The following SHISA6 variants were observed in gnomAD, a reference collection of about 807,000 sequenced individuals.
SHISA6 encodes shisa family member 6.
Under a neutral mutation model 47.9 loss-of-function variants are expected in SHISA6, and 22 were observed. The observed-to-expected ratio is 0.46, with a 90% CI of 0.33 to 0.66. The LOEUF is 0.66. Among genes scored for constraint, SHISA6 ranks in the 30% least tolerant of loss-of-function variants. The pLI is 0.02. For synonymous variants in SHISA6, 388 were observed against 337.8 expected (o/e 1.15, Z -1.63); for missense variants, 680 against 764.6 (o/e 0.89, Z 1.30).
intron 2 of SHISA6, among the ~76,000 whole-genome samples, chr17:11,280,846 T>C (rs35248093): frequency 0.46 from 70,667 of 152,060 alleles, 16,839 homozygotes; most frequent in Non-Finnish European, 0.52. Flanking sequence ...GGGCTGGAAA[T>C]AGAAATGGAG....
intron 3 of SHISA6, among the ~76,000 whole-genome samples, chr17:11,381,374 T>A (rs1013695282): frequency 6.6e-6 from 1 of 152,236 alleles, no homozygotes. Context: ...TTAGAAGTTA[T>A]GGAGTTTATG....
intron 1 of SHISA6, among the ~76,000 whole-genome samples, chr17:11,259,643 C>A (rs899540179): frequency 1.3e-5 from 2 of 152,228 alleles, no homozygotes; most frequent in African/African-American, 4.8e-5. Context: ...AATTCAGATA[C>A]ACTTTCATTC....
chr17:11,362,296 C>T (rs1245057221), intron 2 of SHISA6, among the ~76,000 whole-genome samples: 2 of 152,124 alleles, frequency 1.3e-5, no homozygotes, highest in South Asian at 4.1e-4. Flanking sequence ...CGTATCACAA[C>T]ACTCAGCTAA....
At chr17:11,299,637 A>G (rs1909855141) in intron 2 of SHISA6, among the ~76,000 whole-genome samples, 1 of 152,096 alleles carries the variant, frequency 6.6e-6, no homozygotes, top group Non-Finnish European at 1.5e-5. Flanking sequence ...TAGAGGCCAT[A>G]TGCATTCATT....
intron 2 of SHISA6, among the ~76,000 whole-genome samples, chr17:11,299,567 A>G (rs2142175999): frequency 6.6e-6 from 1 of 152,336 alleles, no homozygotes; most frequent in South Asian, 2.1e-4. Flanking sequence ...AAGATATGTT[A>G]GGGCTGGTTC....
At chr17:11,251,557 G>A (rs1419155448) in intron 1 of SHISA6, among the ~76,000 whole-genome samples, 1 of 151,978 alleles carries the variant, frequency 6.6e-6, no homozygotes, top group Non-Finnish European at 1.5e-5. Context: ...ATGGACCTAG[G>A]GATATTTCTA....
chr17:11,390,807 A>G (rs1913360087), intron 3 of SHISA6, among the ~76,000 whole-genome samples: 1 of 152,152 alleles, frequency 6.6e-6, no homozygotes, highest in South Asian at 2.1e-4. Flanking sequence ...AGGGAACCAA[A>G]ACCAGCAACA....
intron 2 of SHISA6, chr17:11,288,539 A>T (rs1909405998): frequency 6.6e-6 from 1 of 152,152 alleles, no homozygotes; most frequent in Admixed American, 6.5e-5. Flanking sequence ...TGGGCAACAT[A>T]GCAAGCTATG....
At chr17:11,269,477 C>T (rs1354541870) in intron 2 of SHISA6, among the ~76,000 whole-genome samples, 1 of 152,186 alleles carries the variant, frequency 6.6e-6, no homozygotes, top group African/African-American at 2.4e-5. Flanking sequence ...CCCAGGGTGC[C>T]CTTCCAGTTC....
At chr17:11,546,920 C>T (rs2071888248) in intron 3 of SHISA6, among the ~76,000 whole-genome samples, 1 of 151,296 alleles carries the variant, frequency 6.6e-6, no homozygotes, top group Admixed American at 6.6e-5. Flanking sequence ...TAGAGCAAGA[C>T]TCCATCTCAA....
rs186633734 is a variant in SHISA6 at position 11,459,149 on chromosome 17, G to T, written c.895+79640G>T. Among the ~76,000 whole-genome samples, 472 of 151,226 alleles carry T rather than the reference G, an allele frequency of 3.1e-3. 2 individuals are homozygous for T. Among genetic ancestry groups the T allele is most frequent in the African/African-American group, 0.011 (452 of 41,134 alleles). On this transcript the variant is annotated intron_variant, in intron 3 of 5. Coordinates refer to ENST00000441885, the MANE Select transcript of SHISA6 (RefSeq NM_207386.4). The stretch of plus-strand genomic sequence containing the variant: ...CAGGAGAATGGCATGAACCTGGGAG[G>T]TGGAGCTTGCAGTGAGCCAAAATCG...
At chr17:11,377,012 A>G (rs1338636916) in intron 2 of SHISA6, among the ~76,000 whole-genome samples, 4 of 152,184 alleles carry the variant, frequency 2.6e-5, no homozygotes, top group Non-Finnish European at 5.9e-5. Flanking sequence ...AGCTTTACCA[A>G]AAAGTGTCCC....
intron 2 of SHISA6, among the ~76,000 whole-genome samples, chr17:11,295,397 C>T (rs2142172804): frequency 6.6e-6 from 1 of 152,292 alleles, no homozygotes; most frequent in East Asian, 1.9e-4. Flanking sequence ...GAATTCCCTG[C>T]TCTTGGCAAC....
chr17:11,510,712 G>T (rs527245353), intron 3 of SHISA6, among the ~76,000 whole-genome samples: 1 of 152,324 alleles, frequency 6.6e-6, no homozygotes, highest in African/African-American at 2.4e-5. Flanking sequence ...CTTACCAGCT[G>T]TCTTGGATTT....
chr17:11,402,456 G>A (rs1048594279), intron 3 of SHISA6, among the ~76,000 whole-genome samples: 1 of 152,162 alleles, frequency 6.6e-6, no homozygotes, highest in Non-Finnish European at 1.5e-5. Context: ...TTGCTTTCCA[G>A]TCCCTTACCT....
chr17:11,260,475 C>G (rs1908189064), intron 1 of SHISA6, among the ~76,000 whole-genome samples: 1 of 152,038 alleles, frequency 6.6e-6, no homozygotes, highest in South Asian at 2.1e-4. Flanking sequence ...TTGGCCGTCT[C>G]TGTGTCTCTC....
chr17:11,278,597 T>C (rs1909010857), intron 2 of SHISA6, among the ~76,000 whole-genome samples: 1 of 152,206 alleles, frequency 6.6e-6, no homozygotes, highest in Admixed American at 6.5e-5. Flanking sequence ...TTGCCTCAGC[T>C]CCATCCGCCT....
rs533848928 is a variant in SHISA6, at chr17:11,260,999, C to T, written c.639-2367C>T. 1.2e-4 allele frequency among the ~76,000 whole-genome samples: 18 copies of T among 152,226 alleles called. No homozygotes were observed. In the East Asian group the frequency reaches 2.5e-3, roughly 21 times the overall value. ...AGCTCAGGCCTTAACCCATTTCCTC[C>T]GGCATATTCAAGTTAATTAGGTGAG... On this transcript the variant is annotated intron_variant, in intron 1 of 5. Transcript: ENST00000441885.
At chr17:11,265,033 C>A (rs973889976) in intron 2 of SHISA6, among the ~76,000 whole-genome samples, 1 of 152,088 alleles carries the variant, frequency 6.6e-6, no homozygotes, top group South Asian at 2.1e-4. Flanking sequence ...AGCTTTAATA[C>A]CATAGGTCCT....
Sources: allele counts gnomAD v4.1 joint callset (sites outside exome capture counted in the v4.1 genomes callset), GRCh38; gene constraint gnomAD v4.1.1; transcripts MANE v1.5; gene names NCBI Gene and HGNC (gene_info 2026-07-23, HGNC 2026-07-21).